Variants in XIRP2 observed in about 807,000 individuals in gnomAD.
XIRP2 encodes the protein xin actin-binding repeat-containing protein 2.
A neutral mutation model predicts 277.0 loss-of-function variants in XIRP2; 236 were observed. The ratio of observed to expected loss-of-function variants is 0.85; its 90% CI spans 0.77 to 0.95. The LOEUF is 0.95. XIRP2 is among the 40% of genes least tolerant of loss of function. The pLI is 0.00. For synonymous variants in XIRP2, 1,490 were observed against 1,416.5 expected, an observed-to-expected ratio of 1.05 and a Z score of -1.17; for missense variants, 4,640 against 4,157.5, an observed-to-expected ratio of 1.12 and a Z score of -3.19.
chr2:167,238,872 A>G (rs1476458406), intron 5 of XIRP2, among the ~76,000 whole-genome samples: 1 of 150,240 alleles, frequency 6.7e-6, no homozygotes, highest in Admixed American at 6.6e-5. Context: ...GCTTCATCAT[A>G]TCAATCAATC....
At chr2:167,008,118 A>G (rs1687555944) in intron 2 of XIRP2, among the ~76,000 whole-genome samples, 1 of 151,496 alleles carries the variant, frequency 6.6e-6, no homozygotes, top group Admixed American at 6.6e-5. Flanking sequence ...CTTTTATCTC[A>G]TTTCACTATA....
At chr2:166,896,250 G>C (rs1302718125) in intron 1 of XIRP2, among the ~76,000 whole-genome samples, 1 of 152,058 alleles carries the variant, frequency 6.6e-6, no homozygotes, top group Non-Finnish European at 1.5e-5. Flanking sequence ...AAATATAAAA[G>C]ATATATGTAA....
rs1013693108 is a variant in XIRP2 at position 167,011,467 on chromosome 2, G to A, written c.408+107577G>A. Among the ~76,000 whole-genome samples the A allele has an allele frequency of 3.1e-3, 467 of 151,362 alleles. 4 individuals carry two copies. Among genetic ancestry groups the A allele is most frequent in the African/African-American group, 0.011 (441 of 41,150 alleles). ...AGGTTTTTGATGTGCTGCTGGATTCGGTTTGCCAGTATTTTATTGAGGATT... is the reference window on the plus strand; with the variant it reads ...AGGTTTTTGATGTGCTGCTGGATTCAGTTTGCCAGTATTTTATTGAGGATT... On this transcript the variant is annotated intron_variant, in intron 2 of 10. Coordinates refer to ENST00000409195, the MANE Select transcript of XIRP2 (RefSeq NM_152381.6).
intron 2 of XIRP2, among the ~76,000 whole-genome samples, chr2:167,043,311 G>T (rs1456323188): frequency 2.0e-5 from 3 of 151,958 alleles, no homozygotes; most frequent in African/African-American, 7.2e-5. Context: ...AAGGTAACAG[G>T]AGGAAAGAAA....
At chr2:167,056,824 CTTCCCTCCATA>C (rs1474100694) in intron 2 of XIRP2, among the ~76,000 whole-genome samples, 1 of 152,128 alleles carries the variant, frequency 6.6e-6, no homozygotes, top group African/African-American at 2.4e-5. Context: ...ATATCCATAT[CTTCCCTCCATA>C]TTATATTCTC....
chr2:167,001,163 G>A (rs568081270), intron 2 of XIRP2, among the ~76,000 whole-genome samples: 20 of 151,884 alleles, frequency 1.3e-4, no homozygotes, highest in Admixed American at 3.9e-4. Context: ...TAATGTTACC[G>A]ATACCCTAAA....
At chr2:167,072,637 A>G (rs112685020) in intron 2 of XIRP2, among the ~76,000 whole-genome samples, 155 of 152,228 alleles carry the variant, frequency 1.0e-3, no homozygotes, top group African/African-American at 3.5e-3. Context: ...TTTGAACTCT[A>G]TGTTCTCTCA....
intron 2 of XIRP2, among the ~76,000 whole-genome samples, chr2:166,920,681 T>C (rs559953575): frequency 5.5e-4 from 84 of 152,312 alleles, no homozygotes; most frequent in African/African-American, 2.0e-3. Flanking sequence ...TTTTGAATCA[T>C]GTAAGAAAAA....
chr2:166,923,032 A>T (rs1685096500), intron 2 of XIRP2, among the ~76,000 whole-genome samples: 1 of 152,040 alleles, frequency 6.6e-6, no homozygotes, highest in African/African-American at 2.4e-5. Context: ...ATTAAAAAAA[A>T]AAGTGTAAGT....
intron 3 of XIRP2, among the ~76,000 whole-genome samples, chr2:167,146,126 T>A (rs958674389): frequency 2.0e-5 from 3 of 151,742 alleles, no homozygotes; most frequent in Non-Finnish European, 4.4e-5. Context: ...TTTTTTTTTT[T>A]AACACAGCAG....
chr2:167,035,444 T>C (rs1688483694), intron 2 of XIRP2, among the ~76,000 whole-genome samples: 1 of 152,202 alleles, frequency 6.6e-6, no homozygotes, highest in South Asian at 2.1e-4. Flanking sequence ...TCTTGTTATG[T>C]TTTGGCAAAG....
chr2:167,094,570 G>C (rs559416362), intron 2 of XIRP2, among the ~76,000 whole-genome samples: 2 of 152,170 alleles, frequency 1.3e-5, no homozygotes. Context: ...TATTAAATTA[G>C]GGAATCCTTT....
chr2:167,211,967 C>T (rs1694058509), intron 4 of XIRP2, among the ~76,000 whole-genome samples: 1 of 151,790 alleles, frequency 6.6e-6, no homozygotes, highest in South Asian at 2.1e-4. Flanking sequence ...GAGAGGGAGA[C>T]AGAGAAAGAG....
chr2:166,910,963 C>A (rs1367938118), intron 2 of XIRP2, among the ~76,000 whole-genome samples: 3 of 152,182 alleles, frequency 2.0e-5, no homozygotes, highest in African/African-American at 7.2e-5. Context: ...TTTGATTGCA[C>A]TGTGGTCTGA....
intron 3 of XIRP2, among the ~76,000 whole-genome samples, chr2:167,141,378 GAAAA>G (rs1400078131): frequency 6.6e-6 from 1 of 151,744 alleles, no homozygotes. Context: ...AAGACAAAAA[GAAAA>G]AGAAAAAATC....
rs77912996 is a variant in XIRP2 at position 167,001,341 on chromosome 2, A to G, written c.408+97451A>G. The stretch of plus-strand genomic sequence containing the variant: ...GTATTTTCTGAAAGGCCACAATAAA[A>G]AGAAATTTGCTGATTCAGATTCTGA... On this transcript the variant is annotated intron_variant, in intron 2 of 10. Coordinates refer to ENST00000409195, the MANE Select transcript of XIRP2 (RefSeq NM_152381.6). Among the ~76,000 whole-genome samples, 922 of 152,210 alleles carry G rather than the reference A, an allele frequency of 6.1e-3. 74 individuals are homozygous for G. The East Asian group carries it at 0.16, about 26-fold the overall frequency.
chr2:167,127,223 T>G (rs1355201057), intron 2 of XIRP2, among the ~76,000 whole-genome samples: 1 of 152,124 alleles, frequency 6.6e-6, no homozygotes, highest in African/African-American at 2.4e-5. Context: ...CAGCCACAAA[T>G]AGTTGTGCAG....
At position 167,246,563 on chromosome 2, in the gene XIRP2, C is replaced by T. The variant is rs1228802013; in HGVS notation, c.5171C>T (p.Thr1724Ile). Residue 1724 changes from threonine to isoleucine, a missense_variant, in exon 9 of 11, where the codon ACA (threonine) becomes ATA (isoleucine). Physicochemically the swap from Thr to Ile is moderately conservative, Grantham distance 89. Transcript: ENST00000409195. ...ACCATTCATAATTTATTGTCTTCCA[C>T]ATCAAACAATAAAATATCTGAAAGG... ...KRTIHNLLSS[T>I]SNNKISERAK... 1.2e-6 allele frequency: 2 copies of T among 1,613,604 alleles called. No individual in the cohort carries two copies. The highest frequency in any genetic ancestry group is 8.5e-7 in the Non-Finnish European group (1 of 1,179,828).
chr2:166,910,367 C>T (rs1242553191), intron 2 of XIRP2, among the ~76,000 whole-genome samples: 2 of 152,140 alleles, frequency 1.3e-5, no homozygotes, highest in Non-Finnish European at 2.9e-5. Context: ...AGGAATTTAT[C>T]TATTTCTTCT....
Sources: allele counts gnomAD v4.1 joint callset (sites outside exome capture counted in the v4.1 genomes callset), GRCh38; gene constraint gnomAD v4.1.1; transcripts MANE v1.5; gene names NCBI Gene and HGNC (gene_info 2026-07-23, HGNC 2026-07-21).